The following KCNN2 variants were observed in gnomAD, a reference collection of about 807,000 sequenced individuals.
KCNN2 encodes small conductance calcium-activated potassium channel protein 2.
KCNN2 carries 24 observed loss-of-function variants against 55.5 expected under a neutral mutation model. The ratio of observed to expected loss-of-function variants is 0.43; its 90% CI spans 0.31 to 0.61. The LOEUF (loss-of-function observed/expected upper bound fraction) is 0.61. KCNN2 is among the 20% of genes least tolerant of loss of function. The probability of loss-of-function intolerance (pLI) is 0.08; values close to 1 mark genes in which losing one functional copy is unlikely to be tolerated. For synonymous variants in KCNN2, 431 were observed against 336.1 expected (o/e 1.28, Z -3.09); for missense variants, 754 against 853.6 (o/e 0.88, Z 1.45).
chr5:114,098,619 T>G (rs1335199942), intron 1 of KCNN2, among the ~76,000 whole-genome samples: 1 of 150,864 alleles, frequency 6.6e-6, no homozygotes, highest in Middle Eastern at 3.4e-3. Context: ...CCCCCAACCA[T>G]GTCCGTGAAA....
At chr5:114,113,579 T>C (rs1751648394) in intron 1 of KCNN2, among the ~76,000 whole-genome samples, 1 of 152,032 alleles carries the variant, frequency 6.6e-6, no homozygotes, top group African/African-American at 2.4e-5. Context: ...AGAAAAGAAG[T>C]AAAGCTTCAA....
At chr5:114,295,119 G>C (rs1755979765) in intron 2 of KCNN2, among the ~76,000 whole-genome samples, 1 of 152,136 alleles carries the variant, frequency 6.6e-6, no homozygotes, top group Admixed American at 6.5e-5. Flanking sequence ...CCCTACTGAG[G>C]GGTGCCTCCC....
Position 114,473,093 on chromosome 5 carries a change from A to G in KCNN2, c.1819A>G (p.Arg607Gly). 1 of 1,612,704 alleles carries G rather than the reference A, an allele frequency of 6.2e-7. No individual in the cohort carries two copies. ...CTALVVAVVA[R>G]KLELTKAEKH... The stretch of plus-strand genomic sequence containing the variant: ...AGCCCTGGTGGTAGCTGTAGTGGCA[A>G]GGAAGCTAGAACTTACCAAAGCAGA... Residue 607 changes from arginine to glycine, a missense_variant, in exon 5 of 8, where the codon AGG becomes GGG. Physicochemically the swap from Arg to Gly is moderately radical, Grantham distance 125 (BLOSUM62 -2). Coordinates refer to ENST00000673685, the MANE Select transcript of KCNN2 (RefSeq NM_021614.4).
intron 1 of KCNN2, among the ~76,000 whole-genome samples, chr5:114,192,705 TTGAA>T (rs1753475692): frequency 6.6e-6 from 1 of 152,168 alleles, no homozygotes; most frequent in African/African-American, 2.4e-5. Flanking sequence ...AGGGAGGTCC[TTGAA>T]TGCTTATATC....
intron 1 of KCNN2, among the ~76,000 whole-genome samples, chr5:114,221,437 A>G (rs1385037709): frequency 1.3e-5 from 2 of 152,220 alleles, no homozygotes; most frequent in Non-Finnish European, 2.9e-5. Context: ...AGAGAGAATG[A>G]AACAAATTTT....
At chr5:114,480,809 T>C (rs1317984000) in intron 5 of KCNN2, among the ~76,000 whole-genome samples, 1 of 152,106 alleles carries the variant, frequency 6.6e-6, no homozygotes, top group Non-Finnish European at 1.5e-5. Flanking sequence ...ATCAAAAAAA[T>C]TCAACATCCC....
intron 2 of KCNN2, among the ~76,000 whole-genome samples, chr5:114,287,432 G>A (rs1268820677): frequency 6.6e-6 from 1 of 152,158 alleles, no homozygotes; most frequent in South Asian, 2.1e-4. Flanking sequence ...AAAAGGATGA[G>A]TTCATGTCCT....
chr5:114,211,012 T>TA (rs1404639499), intron 1 of KCNN2, among the ~76,000 whole-genome samples: 10 of 151,942 alleles, frequency 6.6e-5, no homozygotes, highest in Non-Finnish European at 1.3e-4. Context: ...AACAACAAGA[T>TA]ACCATTTCAC....
At chr5:114,165,329 C>T (rs564661238) in intron 1 of KCNN2, among the ~76,000 whole-genome samples, 2 of 152,154 alleles carry the variant, frequency 1.3e-5, no homozygotes, top group Non-Finnish European at 2.9e-5. Context: ...GAGGATGAAG[C>T]CTTTGTGATG....
intron 1 of KCNN2, among the ~76,000 whole-genome samples, chr5:114,168,633 G>A: frequency 6.6e-6 from 1 of 151,912 alleles, no homozygotes. Context: ...ATATTTTACT[G>A]GCTAAGCTCT....
In KCNN2 at chr5:114,272,812, T is replaced by C. The variant is rs1326145501; in HGVS notation, c.-185+51247T>C. Among the ~76,000 whole-genome samples the C allele has an allele frequency of 3.3e-5, 5 of 152,206 alleles. No individual in the cohort carries two copies. The South Asian group carries it at 6.2e-4, about 19-fold the overall frequency. On this transcript the variant is annotated intron_variant, in intron 2 of 10. Coordinates refer to the KCNN2 transcript ENST00000512097. ...TATTTAGTTTATTATTTAGATTTTC[T>C]AGTTAGGCATCATATCAACTGCAAA...
In KCNN2 at chr5:114,445,786, AACCTCAGT is replaced by A. The variant is rs1255500941; in HGVS notation, c.1638-17260_1638-17253del. 2.0e-5 allele frequency among the ~76,000 whole-genome samples: 3 copies of A among 152,342 alleles called. No individual in the cohort carries two copies. In the East Asian group the frequency reaches 5.8e-4, roughly 29 times the overall value. ...CTTCAGTAGCATGCCAGGTGAGCAG[AACCTCAGT>A]ACTGGGTAATGAGAGACACTCTCTT... is the stretch of plus-strand genomic sequence containing the variant. On this transcript the variant is annotated intron_variant, in intron 3 of 7. Coordinates refer to ENST00000673685, the MANE Select transcript of KCNN2 (RefSeq NM_021614.4).
intron 3 of KCNN2, among the ~76,000 whole-genome samples, chr5:114,426,934 A>G (rs1759641603): frequency 6.6e-6 from 1 of 152,198 alleles, no homozygotes; most frequent in African/African-American, 2.4e-5. Context: ...CATGGGATGA[A>G]GCATTACACA....
At chr5:114,339,979 C>T (rs1561577151) in intron 2 of KCNN2, among the ~76,000 whole-genome samples, 1 of 152,106 alleles carries the variant, frequency 6.6e-6, no homozygotes, top group Non-Finnish European at 1.5e-5. Flanking sequence ...CATCCTGCCA[C>T]ATATAGCAGA....
intron 1 of KCNN2, among the ~76,000 whole-genome samples, chr5:114,073,937 A>G (rs544618165): frequency 1.4e-4 from 22 of 152,354 alleles, no homozygotes; most frequent in African/African-American, 4.8e-4. Context: ...TTTTGTACAC[A>G]GTGACATAGG....
At chr5:114,471,106 C>T (rs1182858186) in intron 4 of KCNN2, among the ~76,000 whole-genome samples, 2 of 152,122 alleles carry the variant, frequency 1.3e-5, no homozygotes, top group Non-Finnish European at 2.9e-5. Flanking sequence ...TCCTGTCTTG[C>T]TTTGAAATAC....
chr5:114,482,284 T>C (rs1762262457), intron 5 of KCNN2, among the ~76,000 whole-genome samples: 1 of 152,144 alleles, frequency 6.6e-6, no homozygotes, highest in Non-Finnish European at 1.5e-5. Flanking sequence ...ATGCTCACCA[T>C]CACTGGTCAT....
At chr5:114,202,394 T>A (rs1280843614) in intron 1 of KCNN2, among the ~76,000 whole-genome samples, 1 of 151,634 alleles carries the variant, frequency 6.6e-6, no homozygotes, top group Non-Finnish European at 1.5e-5. Context: ...TTCTATAAAA[T>A]TACCTTGTCT....
chr5:114,377,632 C>T (rs1757984506), intron 2 of KCNN2, among the ~76,000 whole-genome samples: 2 of 152,274 alleles, frequency 1.3e-5, no homozygotes, highest in Admixed American at 1.3e-4. Context: ...TCTAGACAGA[C>T]ATTTGTGCCT....
Sources: gnomAD v4.1 joint callset for allele counts (sites outside exome capture counted in the v4.1 genomes callset) on GRCh38, gnomAD v4.1.1 for gene constraint, MANE v1.5 for transcripts, NCBI Gene and HGNC (gene_info 2026-07-23, HGNC 2026-07-21) for gene names.